The following SAMD5 variants were observed in gnomAD, a reference collection of about 807,000 sequenced individuals.
The protein encoded by SAMD5 is sterile alpha motif domain-containing protein 5.
A neutral mutation model predicts 11.3 loss-of-function variants in SAMD5; 13 were observed. That is an observed-to-expected ratio of 1.15 (90% CI 0.75 to 1.83). The LOEUF is 1.83. SAMD5 is among the 40% of genes most tolerant of loss of function. The probability of loss-of-function intolerance (pLI) is 0.00; values close to 1 mark genes in which losing one functional copy is unlikely to be tolerated. For synonymous variants in SAMD5, 129 were observed against 111.3 expected, an observed-to-expected ratio of 1.16 and a Z score of -1.00; for missense variants, 255 against 239.1, an observed-to-expected ratio of 1.07 and a Z score of -0.44.
At chr6:147,626,349 C>T (rs184676556) in intron 1 of SAMD5, among the ~76,000 whole-genome samples, 2 of 150,980 alleles carry the variant, frequency 1.3e-5, no homozygotes, top group East Asian at 3.9e-4. Flanking sequence ...CTAGAGGCAC[C>T]GTTAAACCTC....
At chr6:147,705,437 C>A (rs1791312628) in intron 1 of SAMD5, among the ~76,000 whole-genome samples, 5 of 145,632 alleles carry the variant, frequency 3.4e-5, no homozygotes, top group African/African-American at 1.3e-4. Context: ...ATGCATCTAT[C>A]CATTTAAATA....
At chr6:147,904,867 A>G in the SAMD5 span, among the ~76,000 whole-genome samples, 1 of 149,928 alleles carries the variant, frequency 6.7e-6, no homozygotes, top group Non-Finnish European at 1.5e-5. Context: ...AACTAACATA[A>G]TGGTTTTAAA....
At chr6:147,616,131 T>TTATATACTTCATATATATTTATTCA (rs1789864149) in intron 1 of SAMD5, among the ~76,000 whole-genome samples, 1 of 128,362 alleles carries the variant, frequency 7.8e-6, no homozygotes, top group Non-Finnish European at 1.7e-5. Flanking sequence ...GATTATTTCA[T>TTATATACTTCATATATATTTATTCA]TATATATTTC....
chr6:147,897,232 T>G, the SAMD5 span, among the ~76,000 whole-genome samples: 1 of 152,178 alleles, frequency 6.6e-6, no homozygotes, highest in Non-Finnish European at 1.5e-5. Context: ...AACCACAAGC[T>G]TCATTTGCAG....
At chr6:147,831,163 G>C in the SAMD5 span, among the ~76,000 whole-genome samples, 1 of 152,072 alleles carries the variant, frequency 6.6e-6, no homozygotes, top group Non-Finnish European at 1.5e-5. Context: ...AAAAGTCAAA[G>C]GTGAATGCAA....
the SAMD5 span, among the ~76,000 whole-genome samples, chr6:147,770,355 A>C: frequency 6.6e-6 from 1 of 152,100 alleles, no homozygotes; most frequent in South Asian, 2.1e-4. Context: ...TCTGGATCAT[A>C]GAGCTATTTA....
chr6:147,538,805 A>T (rs1414136161), intron 1 of SAMD5, among the ~76,000 whole-genome samples: 1 of 152,218 alleles, frequency 6.6e-6, no homozygotes. Flanking sequence ...AATAATTTTT[A>T]AAACTGTCCT....
At chr6:147,781,772 G>GCA in the SAMD5 span, among the ~76,000 whole-genome samples, 853 of 146,342 alleles carry the variant, frequency 5.8e-3, 2 homozygotes, top group South Asian at 0.013. Context: ...ATTTGTGTGC[G>GCA]CACACACACA....
chr6:147,609,557 A>T (rs561634231), intron 1 of SAMD5, among the ~76,000 whole-genome samples: 17 of 151,882 alleles, frequency 1.1e-4, no homozygotes, highest in South Asian at 4.2e-4. Flanking sequence ...CTTTTTTTTT[A>T]AATTTTCTTT....
the SAMD5 span, among the ~76,000 whole-genome samples, chr6:147,915,806 G>A: frequency 2.0e-5 from 3 of 152,190 alleles, no homozygotes; most frequent in African/African-American, 4.8e-5. Context: ...CAATGTGCAG[G>A]TTTGTTACAT....
chr6:147,672,672 C>A (rs1287714264), intron 1 of SAMD5, among the ~76,000 whole-genome samples: 1 of 152,016 alleles, frequency 6.6e-6, no homozygotes, highest in Non-Finnish European at 1.5e-5. Context: ...CCCCCACATC[C>A]ACCTTCCACA....
At chr6:147,741,398 C>T (rs190416443), downstream of SAMD5, 19 of 152,098 alleles carry the variant, frequency 1.2e-4, no homozygotes, top group East Asian at 3.1e-3. Context: ...ATTTGTTTGC[C>T]GAGGGTCTAG....
At chr6:147,861,170 T>A in the SAMD5 span, among the ~76,000 whole-genome samples, 1 of 140,250 alleles carries the variant, frequency 7.1e-6, no homozygotes, top group Non-Finnish European at 1.6e-5. Flanking sequence ...TGTGATTATT[T>A]CTTTTTTTTT....
At chr6:147,951,023 T>G in the SAMD5 span, among the ~76,000 whole-genome samples, 1 of 151,280 alleles carries the variant, frequency 6.6e-6, no homozygotes, top group Non-Finnish European at 1.5e-5. Flanking sequence ...TGGCTCTCCA[T>G]GTGCTAAGTG....
chr6:147,768,523 CA>C, the SAMD5 span, among the ~76,000 whole-genome samples: 1 of 151,544 alleles, frequency 6.6e-6, no homozygotes, highest in East Asian at 1.9e-4. Flanking sequence ...ACAACAACAA[CA>C]AAAAAACAGA....
chr6:147,756,486 A>G, the SAMD5 span, among the ~76,000 whole-genome samples: 1 of 152,140 alleles, frequency 6.6e-6, no homozygotes, highest in Non-Finnish European at 1.5e-5. Context: ...TTTTTTTGGA[A>G]GACTAAAGAA....
At chr6:147,647,053 G>T (rs1169462064) in intron 1 of SAMD5, among the ~76,000 whole-genome samples, 1 of 151,444 alleles carries the variant, frequency 6.6e-6, no homozygotes, top group East Asian at 1.9e-4. Context: ...TGTAATCTCA[G>T]CTACTCAGGA....
the SAMD5 span, among the ~76,000 whole-genome samples, chr6:147,900,829 CTT>C: frequency 6.6e-6 from 1 of 152,164 alleles, no homozygotes; most frequent in Non-Finnish European, 1.5e-5. Flanking sequence ...AAAGCATAAA[CTT>C]TTAGCCTGTC....
At chr6:147,581,210 G>A (rs1484986028) in intron 1 of SAMD5, among the ~76,000 whole-genome samples, 1 of 152,174 alleles carries the variant, frequency 6.6e-6, no homozygotes, top group Non-Finnish European at 1.5e-5. Flanking sequence ...TCCATGCATG[G>A]CACCATTCAT....
Sources: gnomAD v4.1 joint callset for allele counts (sites outside exome capture counted in the v4.1 genomes callset) on GRCh38, gnomAD v4.1.1 for gene constraint, MANE v1.5 for transcripts, NCBI Gene and HGNC (gene_info 2026-07-23, HGNC 2026-07-21) for gene names.